Variants in C14orf132 observed in about 807,000 individuals in gnomAD.
The protein encoded by C14orf132 is chromosome 14 open reading frame 132.
In C14orf132, 6 loss-of-function variants were observed where a neutral mutation model predicts 5.8. The ratio of observed to expected loss-of-function variants is 1.03; its 90% CI spans 0.57 to 2.04. C14orf132 has a LOEUF of 2.04. C14orf132 is among the 30% of genes most tolerant of loss of function. The pLI is 0.00. For missense variants in C14orf132, 125 were observed against 115.8 expected (o/e 1.08, Z -0.37); for synonymous variants, 51 against 49.8 (o/e 1.02, Z -0.10).
intron 1 of C14orf132, among the ~76,000 whole-genome samples, chr14:96,064,436 ATG>A (rs555555285): frequency 2.4e-3 from 359 of 150,840 alleles, no homozygotes; most frequent in Admixed American, 5.4e-3. Flanking sequence ...ACACATATAT[ATG>A]TGTATATATA....
At chr14:96,073,987 T>C (rs1358188830) in intron 1 of C14orf132, among the ~76,000 whole-genome samples, 3 of 152,242 alleles carry the variant, frequency 2.0e-5, no homozygotes, top group East Asian at 1.9e-4. Flanking sequence ...AGCTGAACTA[T>C]GAAAACACGT....
intron 1 of C14orf132, among the ~76,000 whole-genome samples, chr14:96,084,317 C>T (rs1888115787): frequency 6.9e-6 from 1 of 145,504 alleles, no homozygotes; most frequent in Non-Finnish European, 1.5e-5. Context: ...TCCCCTGCAG[C>T]CCCCGTCATG....
At chr14:96,081,898 C>T (rs2139680604) in intron 1 of C14orf132, among the ~76,000 whole-genome samples, 1 of 152,294 alleles carries the variant, frequency 6.6e-6, no homozygotes, top group Admixed American at 6.5e-5. Context: ...CCGCACCCGG[C>T]CAACAAATGT....
At position 96,086,999 on chromosome 14, in the gene C14orf132, A is replaced by G. The variant is rs1489734383; in HGVS notation, c.*264A>G. On this transcript the variant is annotated 3_prime_UTR_variant, in exon 2 of 2. Transcript: ENST00000555004. Reference sequence around the variant, plus strand: ...CAGAGGGCAGATTGGGGATCCTTGAAACTACATTCCAGGAACATGGGACCA... The same window carrying G: ...CAGAGGGCAGATTGGGGATCCTTGAGACTACATTCCAGGAACATGGGACCA... The G allele has an allele frequency of 1.9e-6, 1 of 525,264 alleles. No homozygotes were observed. Among genetic ancestry groups the G allele is most frequent in the African/African-American group, 1.9e-5 (1 of 52,626 alleles). The allele number at this position is 525,264 out of a possible 1,614,324, so 32.5% of individuals were successfully genotyped here. A position where few individuals can be genotyped will look rare whatever the true frequency, so the allele number is the denominator to read the frequency against.
At chr14:96,054,499 A>C (rs1485920403) in intron 1 of C14orf132, among the ~76,000 whole-genome samples, 1 of 152,176 alleles carries the variant, frequency 6.6e-6, no homozygotes, top group Non-Finnish European at 1.5e-5. Flanking sequence ...TTGGAACAAG[A>C]TGCTTAATTT....
intron 1 of C14orf132, among the ~76,000 whole-genome samples, chr14:96,054,159 C>T (rs1414952563): frequency 6.6e-6 from 1 of 152,164 alleles, no homozygotes; most frequent in Admixed American, 6.5e-5. Flanking sequence ...CAGAATCCCT[C>T]CCCATCATCC....
chr14:96,049,498 G>GTA (rs1886937199), intron 1 of C14orf132, among the ~76,000 whole-genome samples: 1 of 139,158 alleles, frequency 7.2e-6, no homozygotes, highest in African/African-American at 2.7e-5. Flanking sequence ...ATATATATAC[G>GTA]TATATATACG....
intron 1 of C14orf132, among the ~76,000 whole-genome samples, chr14:96,043,660 G>A (rs1408088888): frequency 6.6e-6 from 1 of 152,024 alleles, no homozygotes; most frequent in Non-Finnish European, 1.5e-5. Flanking sequence ...TGATCCCAGT[G>A]GTCAATGAAG....
At chr14:96,044,249 C>T (rs1237671001) in intron 1 of C14orf132, among the ~76,000 whole-genome samples, 1 of 152,238 alleles carries the variant, frequency 6.6e-6, no homozygotes, top group Non-Finnish European at 1.5e-5. Flanking sequence ...TCATGGTTCA[C>T]TGCAGCCTTA....
intron 1 of C14orf132, among the ~76,000 whole-genome samples, chr14:96,063,024 G>A (rs1420075980): frequency 3.9e-5 from 6 of 152,182 alleles, no homozygotes; most frequent in Non-Finnish European, 8.8e-5. Context: ...GTGGATGTCA[G>A]TACTTTTATC....
intron 1 of C14orf132, among the ~76,000 whole-genome samples, chr14:96,068,058 T>A (rs551743695): frequency 6.6e-6 from 1 of 152,172 alleles, no homozygotes; most frequent in Admixed American, 6.5e-5. Context: ...TTCATTTTTA[T>A]TTCATCCACC....
At chr14:96,070,594 T>TCACACACACA (rs1360572735) in intron 1 of C14orf132, among the ~76,000 whole-genome samples, 1 of 121,020 alleles carries the variant, frequency 8.3e-6, no homozygotes, top group African/African-American at 2.9e-5. Flanking sequence ...TCTCTCTCTC[T>TCACACACACA]CTCACACACA....
At chr14:96,062,236 TA>T (rs1174544499) in intron 1 of C14orf132, among the ~76,000 whole-genome samples, 3 of 152,082 alleles carry the variant, frequency 2.0e-5, no homozygotes, top group Non-Finnish European at 4.4e-5. Flanking sequence ...GTCTGCCCAC[TA>T]GGGTGTTGAA....
intron 1 of C14orf132, among the ~76,000 whole-genome samples, chr14:96,072,420 G>A (rs749734316): frequency 6.6e-6 from 1 of 152,218 alleles, no homozygotes; most frequent in Non-Finnish European, 1.5e-5. Context: ...GGACTGCATG[G>A]AATGGTGAAC....
chr14:96,077,302 A>G (rs1183802885), intron 1 of C14orf132, among the ~76,000 whole-genome samples: 4 of 152,146 alleles, frequency 2.6e-5, no homozygotes, highest in Non-Finnish European at 5.9e-5. Flanking sequence ...GCTGGGGGCT[A>G]TGGGCTGAGT....
At chr14:96,057,920 G>A (rs1887228623) in intron 1 of C14orf132, among the ~76,000 whole-genome samples, 2 of 152,254 alleles carry the variant, frequency 1.3e-5, no homozygotes, top group South Asian at 4.1e-4. Context: ...AACCTTAGGT[G>A]CCATTGGTCC....
At chr14:96,043,039 C>T (rs186431101) in intron 1 of C14orf132, among the ~76,000 whole-genome samples, 109 of 152,348 alleles carry the variant, frequency 7.2e-4, no homozygotes, top group Middle Eastern at 6.8e-3. Flanking sequence ...CAAAGACAGC[C>T]GCCATGCATT....
At position 96,048,958 on chromosome 14, in the gene C14orf132, T is replaced by C. The variant is rs566484029; in HGVS notation, c.27+9431T>C. Among the ~76,000 whole-genome samples, 5 of 152,362 alleles carry C rather than the reference T, an allele frequency of 3.3e-5. No homozygotes were observed. The South Asian group carries it at 8.3e-4, about 25-fold the overall frequency. On this transcript the variant is annotated intron_variant, in intron 1 of 1. Transcript: ENST00000555004. The stretch of plus-strand genomic sequence containing the variant: ...TTTTCTTTTTGAGATGGAGTCTCGC[T>C]CTGTCATCCAGGCTTGAGTGTAGTG...
chr14:96,082,376 A>T (rs1004592154), intron 1 of C14orf132, among the ~76,000 whole-genome samples: 3 of 152,176 alleles, frequency 2.0e-5, no homozygotes, highest in African/African-American at 7.2e-5. Context: ...CCAGCTCCTG[A>T]TCAAATTTTT....
Sources: gnomAD v4.1 joint callset for allele counts (sites outside exome capture counted in the v4.1 genomes callset) on GRCh38, gnomAD v4.1.1 for gene constraint, MANE v1.5 for transcripts, NCBI Gene and HGNC (gene_info 2026-07-23, HGNC 2026-07-21) for gene names.